Variants in CCDC91 observed in about 807,000 individuals in gnomAD.
CCDC91 encodes the protein coiled-coil domain-containing protein 91.
A neutral mutation model predicts 63.2 loss-of-function variants in CCDC91; 48 were observed. The ratio of observed to expected loss-of-function variants is 0.76; its 90% CI spans 0.60 to 0.97. The LOEUF (loss-of-function observed/expected upper bound fraction) is 0.97, where lower values mean the gene tolerates loss of function less well. CCDC91 is among the 50% of genes least tolerant of loss of function. The pLI is 0.00. For missense variants in CCDC91, 500 were observed against 494.6 expected (o/e 1.01, Z -0.10); for synonymous variants, 167 against 165.8 (o/e 1.01, Z -0.06).
chr12:28,335,154 CAT>C (rs918626971), intron 6 of CCDC91, among the ~76,000 whole-genome samples: 23 of 133,920 alleles, frequency 1.7e-4, no homozygotes, highest in African/African-American at 3.8e-4. Flanking sequence ...ATATTTATAA[CAT>C]ATATTAAATA....
intron 12 of CCDC91, among the ~76,000 whole-genome samples, chr12:28,525,776 G>A (rs1941205212): frequency 6.6e-6 from 1 of 151,688 alleles, no homozygotes; most frequent in Non-Finnish European, 1.5e-5. Context: ...TATAAATTTG[G>A]GATCTCCCAA....
chr12:28,502,233 G>A (rs1278943214), intron 12 of CCDC91, among the ~76,000 whole-genome samples: 1 of 151,874 alleles, frequency 6.6e-6, no homozygotes, highest in Non-Finnish European at 1.5e-5. Context: ...CTTCAGCAAA[G>A]TCTCAGGATA....
chr12:28,220,293 G>A (rs1943849958), intron 1 of CCDC91, among the ~76,000 whole-genome samples: 1 of 151,756 alleles, frequency 6.6e-6, no homozygotes, highest in Admixed American at 6.6e-5. Context: ...ATTAAATGCT[G>A]TAATGTCTAC....
intron 12 of CCDC91, among the ~76,000 whole-genome samples, chr12:28,532,285 A>G (rs1164466737): frequency 4.6e-5 from 7 of 152,122 alleles, no homozygotes; most frequent in Admixed American, 2.6e-4. Context: ...CCTATCAAAT[A>G]TTGCTAATAT....
intron 7 of CCDC91, among the ~76,000 whole-genome samples, chr12:28,381,561 G>A (rs1056072428): frequency 6.6e-6 from 1 of 151,892 alleles, no homozygotes; most frequent in Non-Finnish European, 1.5e-5. Flanking sequence ...CTGATTTTCG[G>A]TAATTTGACT....
intron 6 of CCDC91, among the ~76,000 whole-genome samples, chr12:28,353,928 A>G (rs919114753): frequency 9.2e-5 from 14 of 152,134 alleles, no homozygotes; most frequent in African/African-American, 3.1e-4. Flanking sequence ...GAGGATCAGG[A>G]AAAACAACGA....
chr12:28,295,403 T>G (rs1176615780), intron 3 of CCDC91, among the ~76,000 whole-genome samples: 5 of 152,282 alleles, frequency 3.3e-5, no homozygotes, highest in South Asian at 4.1e-4. Flanking sequence ...TGAACACCTT[T>G]GATATACAGC....
intron 12 of CCDC91, among the ~76,000 whole-genome samples, chr12:28,535,758 C>T (rs12305750): frequency 0.38 from 57,903 of 151,896 alleles, 11,426 homozygotes; most frequent in South Asian, 0.46. Flanking sequence ...GGGCCTGGTG[C>T]GGTATCATGC....
intron 8 of CCDC91, among the ~76,000 whole-genome samples, chr12:28,424,845 C>T (rs1339122963): frequency 6.6e-6 from 1 of 152,018 alleles, no homozygotes; most frequent in Non-Finnish European, 1.5e-5. Flanking sequence ...AAGATTTACT[C>T]TATGTTTTTT....
chr12:28,485,438 A>G (rs888154761), intron 12 of CCDC91, among the ~76,000 whole-genome samples: 2 of 147,698 alleles, frequency 1.4e-5, no homozygotes, highest in African/African-American at 5.0e-5. Flanking sequence ...AGTGCCAGGA[A>G]TACAGGCATG....
chr12:28,425,113 A>G (rs530535082), intron 8 of CCDC91, among the ~76,000 whole-genome samples: 1 of 152,134 alleles, frequency 6.6e-6, no homozygotes, highest in East Asian at 1.9e-4. Context: ...ACAGGGAAAA[A>G]CTACTCTCCC....
intron 1 of CCDC91, among the ~76,000 whole-genome samples, chr12:28,201,736 T>C (rs11049451): frequency 0.53 from 65,657 of 125,022 alleles, 19,551 homozygotes; most frequent in East Asian, 0.61. Flanking sequence ...AGCCTGGGCA[T>C]CATTGAGCAC....
chr12:28,254,661 T>G (rs1439617945), intron 1 of CCDC91, among the ~76,000 whole-genome samples: 1 of 152,162 alleles, frequency 6.6e-6, no homozygotes, highest in African/African-American at 2.4e-5. Context: ...GCAGAAAGAT[T>G]ATTGCTTTAA....
chr12:28,273,412 C>T (rs1947933411), intron 3 of CCDC91, among the ~76,000 whole-genome samples: 1 of 152,148 alleles, frequency 6.6e-6, no homozygotes, highest in Non-Finnish European at 1.5e-5. Context: ...GAGGAATTGC[C>T]ACACTGACTT....
At chr12:28,375,052 G>A (rs569671313) in intron 7 of CCDC91, among the ~76,000 whole-genome samples, 37 of 151,914 alleles carry the variant, frequency 2.4e-4, no homozygotes, top group Non-Finnish European at 4.7e-4. Context: ...AGCTGATTAC[G>A]AGCATAGATT....
rs532499749 is a variant in CCDC91 at position 28,459,227 on chromosome 12, C to T, written c.1101+6573C>T. Among the ~76,000 whole-genome samples the T allele has an allele frequency of 3.8e-4, 58 of 152,162 alleles. 1 individual carries two copies. In the South Asian group the frequency reaches 0.012, roughly 31 times the overall value. ...ACCCTCCATAAAACTTTTATTTCCT[C>T]CCTGCAGATTAAATCAAGTGCTCCT... On this transcript the variant is annotated intron_variant, in intron 11 of 12. Transcript: ENST00000536442.
intron 12 of CCDC91, among the ~76,000 whole-genome samples, chr12:28,505,818 A>C (rs530640200): frequency 6.6e-6 from 1 of 152,012 alleles, no homozygotes; most frequent in Non-Finnish European, 1.5e-5. Context: ...TCAGACATTC[A>C]GTTTCTTTTC....
intron 8 of CCDC91, among the ~76,000 whole-genome samples, chr12:28,446,731 C>CTGGGTTTACATATG (rs1949520260): frequency 1.3e-5 from 2 of 152,136 alleles, no homozygotes; most frequent in South Asian, 4.1e-4. Context: ...TCCCAAAGTG[C>CTGGGTTTACATATG]TGGGTTTACA....
intron 11 of CCDC91, among the ~76,000 whole-genome samples, chr12:28,458,454 C>CTTTTTT (rs1566005675): frequency 1.4e-5 from 1 of 71,482 alleles, no homozygotes; most frequent in African/African-American, 8.1e-5. Flanking sequence ...CATTTGCACA[C>CTTTTTT]CTTTTTTTTT....
Sources: allele counts gnomAD v4.1 joint callset (sites outside exome capture counted in the v4.1 genomes callset), GRCh38; gene constraint gnomAD v4.1.1; transcripts MANE v1.5; gene names NCBI Gene and HGNC (gene_info 2026-07-23, HGNC 2026-07-21).